The following TSNARE1 variants were observed in gnomAD, a reference collection of about 807,000 sequenced individuals.
TSNARE1 encodes the protein t-SNARE domain containing 1.
Under a neutral mutation model 62.0 loss-of-function variants are expected in TSNARE1, and 49 were observed. That is an observed-to-expected ratio of 0.79 (90% CI 0.63 to 1.00). TSNARE1 has a LOEUF of 1.00. Ranked by LOEUF, TSNARE1 falls within the 50% of genes least tolerant of loss-of-function variation. TSNARE1 has a pLI of 0.00. For synonymous variants in TSNARE1, 328 were observed against 294.4 expected, an observed-to-expected ratio of 1.11 and a Z score of -1.17; for missense variants, 755 against 700.1, an observed-to-expected ratio of 1.08 and a Z score of -0.88.
chr8:142,286,430 G>T (rs1334192723), intron 10 of TSNARE1, among the ~76,000 whole-genome samples: 1 of 152,232 alleles, frequency 6.6e-6, no homozygotes, highest in Non-Finnish European at 1.5e-5. Flanking sequence ...AGTATCAATT[G>T]CAATTCAATT....
At position 142,344,131 on chromosome 8, in the gene TSNARE1, C is replaced by A. The variant is rs778061156; in HGVS notation, c.580G>T (p.Val194Phe). ...AGGTCGCCCAGCTTGCGCCGCACGA[C>A]GGCTCGTAGGTCCCGCCACTTGTGC... is the stretch of plus-strand genomic sequence containing the variant. ...LKHKWRDLRA[V>F]VRRKLGDLRK... Residue 194 changes from valine to phenylalanine, a missense_variant, in exon 4 of 14, where the codon GTC (valine) becomes TTC (phenylalanine). Transcript: ENST00000524325. 1 of 1,612,590 alleles carries A rather than the reference C, an allele frequency of 6.2e-7. No homozygotes were observed. Among genetic ancestry groups the A allele is most frequent in the South Asian group, 1.1e-5 (1 of 91,024 alleles).
chr8:142,334,154 T>C (rs981961426), intron 4 of TSNARE1, among the ~76,000 whole-genome samples: 4 of 152,220 alleles, frequency 2.6e-5, no homozygotes, highest in Non-Finnish European at 5.9e-5. Context: ...TGTGTTCAAA[T>C]AAGGCAAATG....
chr8:142,370,644 AAAG>A (rs1329837690), intron 1 of TSNARE1, among the ~76,000 whole-genome samples: 3 of 152,222 alleles, frequency 2.0e-5, no homozygotes, highest in South Asian at 2.1e-4. Flanking sequence ...ACTAAATAAA[AAAG>A]AAGGTGAAAA....
intron 10 of TSNARE1, 22 bp downstream of exon 10, chr8:142,300,464 C>T (rs778764107): frequency 1.0e-5 from 16 of 1,589,666 alleles, no homozygotes; most frequent in East Asian, 2.2e-5. Flanking sequence ...AGAGTGAGCA[C>T]GCTTGCCCAC....
chr8:142,249,205 G>T (rs1277007103), intron 12 of TSNARE1, among the ~76,000 whole-genome samples: 5 of 152,248 alleles, frequency 3.3e-5, no homozygotes, highest in Admixed American at 1.3e-4. Flanking sequence ...CAGAAGCCTA[G>T]ATATGCTCTA....
chr8:142,326,080 C>A (rs73714115), intron 6 of TSNARE1: 10 of 156,594 alleles, frequency 6.4e-5, no homozygotes, highest in Non-Finnish European at 1.1e-4. Context: ...CCGGAGAGCA[C>A]GAGACGGATG....
intron 13 of TSNARE1, among the ~76,000 whole-genome samples, chr8:142,226,404 G>A (rs999893610): frequency 6.6e-6 from 1 of 152,148 alleles, no homozygotes; most frequent in South Asian, 2.1e-4. Context: ...ATCGAGCTAC[G>A]GTTGGCGCCT....
chr8:142,387,670 G>T (rs1232551448), intron 1 of TSNARE1, among the ~76,000 whole-genome samples: 1 of 151,922 alleles, frequency 6.6e-6, no homozygotes, highest in Non-Finnish European at 1.5e-5. Context: ...AATCATTTGG[G>T]AAAATATTTA....
intron 10 of TSNARE1, 129 bp downstream of exon 10, chr8:142,300,357 G>C: frequency 9.2e-7 from 1 of 1,088,098 alleles, no homozygotes; most frequent in Non-Finnish European, 1.3e-6. Context: ...GCAAGGCCAT[G>C]GAGGCCTAGT....
At chr8:142,352,791 A>G (rs75092063) in intron 2 of TSNARE1, among the ~76,000 whole-genome samples, 2,819 of 152,330 alleles carry the variant, frequency 0.019, 39 homozygotes, top group Non-Finnish European at 0.028. Context: ...AAGATGCGGC[A>G]CATACACAGT....
intron 12 of TSNARE1, among the ~76,000 whole-genome samples, chr8:142,244,939 C>T (rs1357287715): frequency 6.6e-6 from 1 of 152,250 alleles, no homozygotes; most frequent in African/African-American, 2.4e-5. Context: ...GCTTTGAGGT[C>T]GGAGCCCACG....
chr8:142,336,042 C>T (rs1012927727), intron 4 of TSNARE1, among the ~76,000 whole-genome samples: 18 of 152,076 alleles, frequency 1.2e-4, no homozygotes, highest in Non-Finnish European at 2.1e-4. Flanking sequence ...CAACACTTTC[C>T]GAGGCTAAGA....
chr8:142,292,456 T>A (rs1305372261), intron 10 of TSNARE1, among the ~76,000 whole-genome samples: 1 of 151,896 alleles, frequency 6.6e-6, no homozygotes, highest in Non-Finnish European at 1.5e-5. Context: ...GAGGGAGACG[T>A]GAGGGTCCAA....
At chr8:142,270,831 C>G in intron 12 of TSNARE1, 1 of 985,468 alleles carries the variant, frequency 1.0e-6, no homozygotes, top group Non-Finnish European at 1.2e-6. Flanking sequence ...CCTGAGTAGA[C>G]CTGGTCCACT....
chr8:142,354,203 G>A (rs1834495384), intron 2 of TSNARE1, among the ~76,000 whole-genome samples: 1 of 152,130 alleles, frequency 6.6e-6, no homozygotes, highest in African/African-American at 2.4e-5. Flanking sequence ...GCTCTGCCCT[G>A]CACCAGCTGC....
At chr8:142,332,645 G>A (rs745517786) in intron 4 of TSNARE1, among the ~76,000 whole-genome samples, 25 of 152,296 alleles carry the variant, frequency 1.6e-4, no homozygotes, top group Non-Finnish European at 3.2e-4. Context: ...ACGCTCGCCC[G>A]CTGCATGGTG....
intron 10 of TSNARE1, among the ~76,000 whole-genome samples, chr8:142,293,006 T>C (rs7833728): frequency 0.18 from 27,988 of 152,040 alleles, 3,038 homozygotes; most frequent in South Asian, 0.29. Context: ...ACGGCTCGCC[T>C]TTCCTGCCCC....
chr8:142,330,195 G>C (rs758190930), intron 6 of TSNARE1, among the ~76,000 whole-genome samples: 1 of 152,210 alleles, frequency 6.6e-6, no homozygotes, highest in Non-Finnish European at 1.5e-5. Context: ...AAGTGCAGTG[G>C]GGGCCAGCTG....
chr8:142,360,895 G>A (rs1835103527), intron 1 of TSNARE1, among the ~76,000 whole-genome samples: 1 of 152,222 alleles, frequency 6.6e-6, no homozygotes, highest in Non-Finnish European at 1.5e-5. Context: ...GGGGTCTTGA[G>A]CCCTTCAGTC....
Sources: allele counts gnomAD v4.1 joint callset (sites outside exome capture counted in the v4.1 genomes callset), GRCh38; gene constraint gnomAD v4.1.1; transcripts MANE v1.5; gene names NCBI Gene and HGNC (gene_info 2026-07-23, HGNC 2026-07-21).